HSD17B14: variants seen among roughly 807,000 people sequenced by gnomAD.
HSD17B14 encodes hydroxysteroid 17-beta dehydrogenase 14.
HSD17B14 carries 32 observed loss-of-function variants against 32.2 expected under a neutral mutation model. The observed-to-expected ratio is 0.99, with a 90% CI of 0.75 to 1.33. HSD17B14 has a LOEUF of 1.33. Among genes scored for constraint, HSD17B14 ranks in the 40% most tolerant of loss-of-function variants. The pLI, the probability that HSD17B14 is intolerant of heterozygous loss-of-function variation, is 0.00. For synonymous variants in HSD17B14, 140 were observed against 155.4 expected (o/e 0.90, Z 0.74); for missense variants, 370 against 366.5 (o/e 1.01, Z -0.08).
At position 48,833,061 on chromosome 19, in the gene HSD17B14, TTGAA is replaced by T. The variant is rs535538875; in HGVS notation, c.211-333_211-330del. Among the ~76,000 whole-genome samples the T allele has an allele frequency of 5.9e-4, 89 of 151,398 alleles. No homozygotes were observed. The South Asian group carries it at 0.018, about 31-fold the overall frequency. On this transcript the variant is annotated intron_variant, in intron 3 of 8. Transcript: ENST00000263278. ...CCACGCCCAGCCCAGGAAATGTCCT[TTGAA>T]TGAGCAGTAGATGGGGTGTCCAGCC...
chr19:48,821,464 G>A (rs760280215), intron 5 of HSD17B14, among the ~76,000 whole-genome samples: 6 of 152,100 alleles, frequency 3.9e-5, no homozygotes, highest in Non-Finnish European at 7.4e-5. Context: ...GTTTTCCCTA[G>A]CCTAGGGAGT....
chr19:48,815,213 C>A, intron 5 of HSD17B14, 72 bp from the exon 6 acceptor site: 6 of 1,139,084 alleles, frequency 5.3e-6, no homozygotes, highest in Non-Finnish European at 8.0e-6. Flanking sequence ...ACAGCCACAG[C>A]CATCCTGATG....
chr19:48,813,938 G>A (rs555165), intron 6 of HSD17B14, among the ~76,000 whole-genome samples: 4,379 of 152,288 alleles, frequency 0.029, 205 homozygotes, highest in African/African-American at 0.098. Flanking sequence ...GCTCACACCT[G>A]TAATCCCAGC....
intron 5 of HSD17B14, among the ~76,000 whole-genome samples, chr19:48,818,024 A>G (rs1306667715): frequency 6.6e-6 from 1 of 152,034 alleles, no homozygotes; most frequent in Non-Finnish European, 1.5e-5. Flanking sequence ...AGTATTAAGA[A>G]CTTTAGGCCA....
intron 5 of HSD17B14, among the ~76,000 whole-genome samples, chr19:48,829,053 T>G (rs1351997602): frequency 6.6e-6 from 1 of 151,902 alleles, no homozygotes; most frequent in African/African-American, 2.4e-5. Context: ...AGAGTAAGAC[T>G]CTGTCTCAAA....
intron 4 of HSD17B14, 95 bp downstream of exon 4, chr19:48,832,571 G>T: frequency 9.2e-7 from 1 of 1,083,938 alleles, no homozygotes; most frequent in Non-Finnish European, 1.4e-6. Context: ...GAGGCAGGAT[G>T]AGGGAATCAG....
At chr19:48,816,828 C>CTTTCTTTCT (rs2035064850) in intron 5 of HSD17B14, among the ~76,000 whole-genome samples, 2 of 36,858 alleles carry the variant, frequency 5.4e-5, no homozygotes, top group South Asian at 7.3e-4. Context: ...TCTTTCTTTT[C>CTTTCTTTCT]TTTCTCTCTC....
At chr19:48,813,429 C>G in intron 8 of HSD17B14, 27 bp downstream of exon 8, 1 of 1,582,178 alleles carries the variant, frequency 6.3e-7, no homozygotes, top group Non-Finnish European at 8.6e-7. Flanking sequence ...CCACCTTCTA[C>G]CACCTGGATC....
chr19:48,835,513 G>C (rs1250634715), intron 2 of HSD17B14, among the ~76,000 whole-genome samples: 2 of 148,582 alleles, frequency 1.3e-5, no homozygotes, highest in African/African-American at 5.0e-5. Context: ...TGAAGGAGGA[G>C]GGGTTGGGGA....
intron 5 of HSD17B14, among the ~76,000 whole-genome samples, chr19:48,821,555 C>T (rs1485665181): frequency 6.6e-6 from 1 of 151,956 alleles, no homozygotes; most frequent in African/African-American, 2.4e-5. Context: ...GGGCAGGGGC[C>T]CCAGAATCAA....
At position 48,813,422 on chromosome 19, in the gene HSD17B14, CCTTCTACCACCTGGATCTGAACCCCA is replaced by C. The variant is rs1262616381; in HGVS notation, c.639+8_639+33del. ...CGCCATGCCCCCCACCCCCATGCCA[CCTTCTACCACCTGGATCTGAACCCCA>C]CTTCTACCTGGGCCAGCATGCCCTC... On this transcript the variant is annotated splice_region_variant and intron_variant, in intron 8 of 8. Transcript: ENST00000263278. 11 of 1,574,546 alleles carry C rather than the reference CCTTCTACCACCTGGATCTGAACCCCA, an allele frequency of 7.0e-6. No homozygotes were observed. In the African/African-American group the frequency reaches 1.5e-4, roughly 21 times the overall value.
intron 5 of HSD17B14, among the ~76,000 whole-genome samples, chr19:48,828,368 T>C (rs496961): frequency 0.075 from 11,447 of 152,110 alleles, 1,234 homozygotes; most frequent in African/African-American, 0.24. Flanking sequence ...AATTATTGGA[T>C]GGGTGCAGTA....
chr19:48,832,424 AAAG>A (rs1051724043), intron 4 of HSD17B14, among the ~76,000 whole-genome samples: 6 of 152,152 alleles, frequency 3.9e-5, no homozygotes, highest in African/African-American at 1.2e-4. Flanking sequence ...AAAGAAAAGA[AAAG>A]AAGAGAGACA....
In HSD17B14 at chr19:48,813,656, A is replaced by G. The variant is rs763849664; in HGVS notation, c.542+7T>C. On this transcript the variant is annotated splice_region_variant and intron_variant, in intron 7 of 8. Transcript: ENST00000263278. ...AGGAGGCTCTCCGCCTGCTCAGAGC[A>G]GCTCACCAGTTGACTCGGACACCAT... 1 of 1,614,160 alleles carries G rather than the reference A, an allele frequency of 6.2e-7. No homozygotes were observed. The highest frequency in any genetic ancestry group is 8.5e-7 in the Non-Finnish European group (1 of 1,180,008).
chr19:48,833,283 G>C (rs1037440833), intron 3 of HSD17B14, among the ~76,000 whole-genome samples: 1 of 151,708 alleles, frequency 6.6e-6, no homozygotes, highest in Non-Finnish European at 1.5e-5. Context: ...GGTGGGGCAG[G>C]GGGGTGACAA....
At chr19:48,833,773 C>T (rs2035391366) in intron 3 of HSD17B14, among the ~76,000 whole-genome samples, 1 of 151,862 alleles carries the variant, frequency 6.6e-6, no homozygotes, top group Non-Finnish European at 1.5e-5. Flanking sequence ...TTGCGGTGAG[C>T]CGAGATCACA....
intron 5 of HSD17B14, among the ~76,000 whole-genome samples, chr19:48,822,049 GTGA>G (rs1297782934): frequency 1.3e-5 from 2 of 151,612 alleles, no homozygotes; most frequent in Non-Finnish European, 2.9e-5. Context: ...GATGATTGTG[GTGA>G]TGATGGTGAT....
At chr19:48,823,898 C>T (rs2035199657) in intron 5 of HSD17B14, among the ~76,000 whole-genome samples, 2 of 151,130 alleles carry the variant, frequency 1.3e-5, no homozygotes, top group South Asian at 4.2e-4. Flanking sequence ...GCCTAGGCCT[C>T]CCAAAGTGCT....
intron 5 of HSD17B14, among the ~76,000 whole-genome samples, chr19:48,820,875 A>G (rs555639389): frequency 8.5e-5 from 13 of 152,080 alleles, no homozygotes; most frequent in African/African-American, 2.7e-4. Flanking sequence ...AAATAAAAAA[A>G]AATAAATAAG....
Sources: allele counts gnomAD v4.1 joint callset (sites outside exome capture counted in the v4.1 genomes callset), GRCh38; gene constraint gnomAD v4.1.1; transcripts MANE v1.5; gene names NCBI Gene and HGNC (gene_info 2026-07-23, HGNC 2026-07-21).